TAF7L: variants seen among roughly 807,000 people sequenced by gnomAD.
TAF7L encodes TATA-box binding protein associated factor 7 like.
TAF7L carries 6 observed loss-of-function variants against 30.2 expected under a neutral mutation model. The ratio of observed to expected loss-of-function variants is 0.20; its 90% CI spans 0.11 to 0.39. The LOEUF is 0.39. Ranked by LOEUF, TAF7L falls within the 10% of genes least tolerant of loss-of-function variation. The pLI, the probability that TAF7L is intolerant of heterozygous loss-of-function variation, is 1.00. For missense variants in TAF7L, 284 were observed against 277.1 expected (o/e 1.03, Z -0.18); for synonymous variants, 93 against 94.5 (o/e 0.98, Z 0.09).
chrX:101,271,818 A>G (rs1163185033), intron 12 of TAF7L, among the ~76,000 whole-genome samples: 1 of 112,372 alleles, frequency 8.9e-6, no homozygotes, highest in Non-Finnish European at 1.9e-5. Context: ...TCATTGGCCA[A>G]AATGTTGTTA....
At chrX:101,269,896 T>A (rs1314928251) in intron 12 of TAF7L, among the ~76,000 whole-genome samples, 1 of 111,980 alleles carries the variant, frequency 8.9e-6, no homozygotes, top group East Asian at 2.8e-4. Context: ...TATACAGAGG[T>A]CACAGCTCAC....
At chrX:101,282,087 T>C (rs112492178) in intron 5 of TAF7L, among the ~76,000 whole-genome samples, 6,251 of 110,073 alleles carry the variant, frequency 0.057, 514 homozygotes, top group African/African-American at 0.2. Flanking sequence ...AGTTTCACCA[T>C]GTTGGCCAAG....
chrX:101,288,981 GT>G (rs1273705806), intron 1 of TAF7L, among the ~76,000 whole-genome samples: 1 of 110,813 alleles, frequency 9.0e-6, no homozygotes, highest in Non-Finnish European at 1.9e-5. Context: ...TTAATAAGTT[GT>G]GATAATATCC....
intron 5 of TAF7L, among the ~76,000 whole-genome samples, 200 bp from the exon 6 acceptor site, chrX:101,281,975 T>TC (rs1341079527): frequency 1.9e-5 from 2 of 104,179 alleles, no homozygotes; most frequent in African/African-American, 7.1e-5. Context: ...AACCACCTCC[T>TC]CCTAGGTTCA....
intron 12 of TAF7L, among the ~76,000 whole-genome samples, chrX:101,270,324 C>G (rs926244527): frequency 9.0e-6 from 1 of 111,359 alleles, no homozygotes; most frequent in African/African-American, 3.3e-5. Flanking sequence ...TGCACATCAC[C>G]TACCAAGCCA....
chrX:101,289,836 G>A (rs1335442729), intron 1 of TAF7L, among the ~76,000 whole-genome samples: 3 of 106,608 alleles, frequency 2.8e-5, no homozygotes, highest in Non-Finnish European at 5.8e-5. Flanking sequence ...TGATCCACCC[G>A]CCTTGGCCTC....
chrX:101,270,065 G>C (rs1286971794), intron 12 of TAF7L, among the ~76,000 whole-genome samples: 3 of 111,454 alleles, frequency 2.7e-5, no homozygotes, highest in Non-Finnish European at 5.7e-5. Context: ...AACTGAGCCA[G>C]AGCCCTGACC....
chrX:101,276,225 CTT>C (rs1924169391), intron 10 of TAF7L, 80 bp downstream of exon 10: 2 of 1,191,014 alleles, frequency 1.7e-6, no homozygotes, highest in Non-Finnish European at 2.3e-6. Flanking sequence ...TTGAGCTTAG[CTT>C]TGAGTCTAAT....
At chrX:101,290,969 C>A (rs141926355) in intron 1 of TAF7L, among the ~76,000 whole-genome samples, 1 of 111,862 alleles carries the variant, frequency 8.9e-6, no homozygotes, top group Admixed American at 9.4e-5. Flanking sequence ...TCGCAGTCTC[C>A]GGCTGCAGTT....
At chrX:101,274,031 CT>C (rs1315690161) in intron 12 of TAF7L, among the ~76,000 whole-genome samples, 22 of 111,921 alleles carry the variant, frequency 2.0e-4, no homozygotes, top group Non-Finnish European at 1.1e-4. Context: ...TCAATCTCCC[CT>C]GCTAGACAGC....
intron 12 of TAF7L, among the ~76,000 whole-genome samples, chrX:101,273,903 G>A (rs1377272396): frequency 8.9e-6 from 1 of 112,112 alleles, no homozygotes; most frequent in Non-Finnish European, 1.9e-5. Flanking sequence ...CCTAGGAGAG[G>A]TCTATCATGA....
At chrX:101,274,594 G>T (rs1253439174) in intron 12 of TAF7L, among the ~76,000 whole-genome samples, 2 of 111,165 alleles carry the variant, frequency 1.8e-5, no homozygotes, top group East Asian at 5.6e-4. Context: ...GTCTGAGTGA[G>T]TGTGGGTGTG....
intron 1 of TAF7L, among the ~76,000 whole-genome samples, chrX:101,288,266 C>G (rs2147384992): frequency 9.1e-6 from 1 of 109,393 alleles, no homozygotes; most frequent in Non-Finnish European, 1.9e-5. Flanking sequence ...CTCAGTCTCC[C>G]AAGTAGTTGG....
At chrX:101,287,645 A>G in intron 1 of TAF7L, 100 bp from the exon 2 acceptor site, 1 of 581,438 alleles carries the variant, frequency 1.7e-6, no homozygotes, top group Non-Finnish European at 2.9e-6. Flanking sequence ...AAATTATACA[A>G]GATCTTGCCC....
chrX:101,291,639 G>T (rs1489110637), upstream of TAF7L, among the ~76,000 whole-genome samples: 1 of 110,868 alleles, frequency 9.0e-6, no homozygotes, highest in Non-Finnish European at 1.9e-5. Flanking sequence ...GGCCAAGGCG[G>T]GCAGATCTCA....
At chrX:101,282,213 A>G in intron 5 of TAF7L, 114 bp downstream of exon 5, 1 of 1,006,625 alleles carries the variant, frequency 9.9e-7, no homozygotes, top group Non-Finnish European at 1.4e-6. Flanking sequence ...AGAGTATCTG[A>G]GAACCTAATG....
intron 11 of TAF7L, among the ~76,000 whole-genome samples, chrX:101,275,781 T>C (rs1924143406): frequency 8.9e-6 from 1 of 111,752 alleles, no homozygotes; most frequent in Non-Finnish European, 1.9e-5. Flanking sequence ...GCAATTTTTA[T>C]CTCATATCAC....
In TAF7L at chrX:101,285,429, TG is replaced by T. The variant is rs760759660; in HGVS notation, c.145+1145del. On this transcript the variant is annotated intron_variant, in intron 3 of 12. Transcript: ENST00000356784. ...AGGAGAATTGCTTGAACCCAGGAGG[TG>T]GAGGTTCCAGTGAGCCAAGATCGCG... 5.4e-5 allele frequency among the ~76,000 whole-genome samples: 5 copies of T among 91,965 alleles called. No homozygotes were observed. In the South Asian group the frequency reaches 2.7e-3, roughly 50 times the overall value. The allele number at this position is 91,965 out of a possible 115,157, so 79.9% of individuals were successfully genotyped here.
chrX:101,291,308 G>A lies in TAF7L; in HGVS notation c.-87C>T. ...TGGGTTCCGGACGAACCGCGCGTGGGCTCCCGCGCGGAACGTAGAGGCGAA... is the reference window on the plus strand; with the variant it reads ...TGGGTTCCGGACGAACCGCGCGTGGACTCCCGCGCGGAACGTAGAGGCGAA... On this transcript the variant is annotated 5_prime_UTR_variant, in exon 1 of 13. Transcript: ENST00000356784. 1.3e-6 allele frequency: 1 copy of A among 754,111 alleles called. No homozygotes were observed. 62.1% of individuals were successfully genotyped at this position (754,111 alleles called of 1,213,427 possible).
Sources: allele counts gnomAD v4.1 joint callset (sites outside exome capture counted in the v4.1 genomes callset), GRCh38; gene constraint gnomAD v4.1.1; transcripts MANE v1.5; gene names NCBI Gene and HGNC (gene_info 2026-07-23, HGNC 2026-07-21).